Variants in SPOPL observed in about 807,000 individuals in gnomAD.
SPOPL encodes the protein speckle type BTB/POZ protein like.
SPOPL carries 23 observed loss-of-function variants against 53.8 expected under a neutral mutation model. That is an observed-to-expected ratio of 0.43 (90% CI 0.31 to 0.61). SPOPL has a LOEUF of 0.61. Among genes scored for constraint, SPOPL ranks in the 20% least tolerant of loss-of-function variants. SPOPL has a pLI of 0.12. For synonymous variants in SPOPL, 164 were observed against 149.7 expected (o/e 1.10, Z -0.70); for missense variants, 442 against 466.9 (o/e 0.95, Z 0.49).
rs1474090954 is a variant in SPOPL at position 138,571,007 on chromosome 2, A to G, written c.*1927A>G. On this transcript the variant is annotated 3_prime_UTR_variant, in exon 11 of 11. Transcript: ENST00000280098. ...ACCTGGTGATGGAACTTCATACTTC[A>G]TCCTGTGTAAGAGTATTATGGGAAG... is the stretch of plus-strand genomic sequence containing the variant. 6.6e-6 allele frequency: 1 copy of G among 152,158 alleles called. No individual in the cohort carries two copies. The highest frequency in any genetic ancestry group is 1.9e-4 in the East Asian group (1 of 5,194). 9.4% of individuals were successfully genotyped at this position (152,158 alleles called of 1,614,324 possible).
chr2:138,527,550 T>G (rs1684702264), intron 1 of SPOPL, among the ~76,000 whole-genome samples: 1 of 152,256 alleles, frequency 6.6e-6, no homozygotes, highest in South Asian at 2.1e-4. Context: ...TTCTGACCAC[T>G]TTTTCAAAGC....
At chr2:138,539,578 G>C (rs571658271) in intron 1 of SPOPL, among the ~76,000 whole-genome samples, 18 of 142,750 alleles carry the variant, frequency 1.3e-4, no homozygotes, top group Middle Eastern at 7.1e-3. Flanking sequence ...ATATCCTTCA[G>C]CCACTTTTTG....
intron 1 of SPOPL, among the ~76,000 whole-genome samples, chr2:138,518,507 T>A (rs1684493401): frequency 6.6e-6 from 1 of 152,232 alleles, no homozygotes; most frequent in South Asian, 2.1e-4. Context: ...AACCTAAGTT[T>A]CTTTAATTTA....
intron 1 of SPOPL, among the ~76,000 whole-genome samples, chr2:138,523,385 G>T (rs1684599580): frequency 1.3e-5 from 2 of 152,100 alleles, no homozygotes; most frequent in Non-Finnish European, 2.9e-5. Flanking sequence ...TATAAGATGA[G>T]ATTTGTGTGA....
At chr2:138,537,254 C>G (rs532300577) in intron 1 of SPOPL, among the ~76,000 whole-genome samples, 1 of 152,110 alleles carries the variant, frequency 6.6e-6, no homozygotes, top group East Asian at 1.9e-4. Context: ...CTCAAACAAC[C>G]GAGCTCCCTG....
At chr2:138,516,844 G>A (rs1039560713) in intron 1 of SPOPL, among the ~76,000 whole-genome samples, 1 of 152,204 alleles carries the variant, frequency 6.6e-6, no homozygotes, top group Non-Finnish European at 1.5e-5. Flanking sequence ...TGTAAGAAAA[G>A]AATATTATTT....
intron 1 of SPOPL, among the ~76,000 whole-genome samples, chr2:138,524,089 G>C (rs1167788483): frequency 1.3e-5 from 2 of 152,214 alleles, no homozygotes; most frequent in Non-Finnish European, 2.9e-5. Flanking sequence ...GGGCATTCAG[G>C]TGTTTCTATA....
At chr2:138,550,368 A>T in intron 2 of SPOPL, 74 bp downstream of exon 2, 3 of 1,597,134 alleles carry the variant, frequency 1.9e-6, no homozygotes, top group Non-Finnish European at 2.6e-6. Flanking sequence ...GTATTGTGAA[A>T]CACTTTGCCA....
At chr2:138,504,893 ATTAAC>A (rs1684180845) in intron 1 of SPOPL, among the ~76,000 whole-genome samples, 1 of 152,206 alleles carries the variant, frequency 6.6e-6, no homozygotes, top group Admixed American at 6.5e-5. Context: ...GTTTATATAT[ATTAAC>A]TTATTTAAAC....
intron 1 of SPOPL, among the ~76,000 whole-genome samples, chr2:138,504,928 A>T (rs1395382086): frequency 1.3e-5 from 2 of 152,240 alleles, no homozygotes; most frequent in Non-Finnish European, 2.9e-5. Context: ...TTCTTTAATA[A>T]GACTTTTTTA....
intron 1 of SPOPL, among the ~76,000 whole-genome samples, chr2:138,508,103 C>T (rs1487942528): frequency 2.6e-5 from 4 of 152,118 alleles, no homozygotes; most frequent in Non-Finnish European, 4.4e-5. Context: ...TGACAGCCAT[C>T]CCCTGATAGC....
chr2:138,526,970 C>T (rs548971384), intron 1 of SPOPL, among the ~76,000 whole-genome samples: 2 of 152,246 alleles, frequency 1.3e-5, no homozygotes, highest in African/African-American at 4.8e-5. Flanking sequence ...AAGTGATCCA[C>T]CTGCCTCGAC....
chr2:138,559,214 T>A lies in SPOPL; in HGVS notation c.658+15T>A, dbSNP rs747746801. 1.9e-5 allele frequency: 31 copies of A among 1,611,334 alleles called. No individual in the cohort carries two copies. The highest frequency in any genetic ancestry group is 2.3e-5 in the Non-Finnish European group (27 of 1,178,946). On this transcript the variant is annotated intron_variant, in intron 6 of 10. Transcript: ENST00000280098. ...TGTGCTTGCAGGTACTTTCTAGTTATGGGGTAATATAGTACATTTAAAAAA... is the reference window on the plus strand; with the variant it reads ...TGTGCTTGCAGGTACTTTCTAGTTAAGGGGTAATATAGTACATTTAAAAAA...
intron 1 of SPOPL, among the ~76,000 whole-genome samples, chr2:138,545,142 G>A (rs1685163689): frequency 6.6e-6 from 1 of 152,138 alleles, no homozygotes; most frequent in Non-Finnish European, 1.5e-5. Flanking sequence ...AGGTGAAACT[G>A]GCCCTTCAGT....
intron 1 of SPOPL, among the ~76,000 whole-genome samples, chr2:138,504,087 TTTGTG>T (rs1684163509): frequency 6.6e-6 from 1 of 152,252 alleles, no homozygotes; most frequent in African/African-American, 2.4e-5. Flanking sequence ...AGATATTACT[TTTGTG>T]TTGTTTTAAA....
At chr2:138,552,946 G>C (rs1685345028) in intron 5 of SPOPL, among the ~76,000 whole-genome samples, 1 of 151,994 alleles carries the variant, frequency 6.6e-6, no homozygotes, top group South Asian at 2.1e-4. Flanking sequence ...CTCTTGAAAA[G>C]ATTGTGAATG....
intron 8 of SPOPL, among the ~76,000 whole-genome samples, chr2:138,562,261 A>G (rs1475957022): frequency 6.6e-6 from 1 of 152,000 alleles, no homozygotes; most frequent in African/African-American, 2.4e-5. Flanking sequence ...ACACTACTTG[A>G]TATCATGACT....
intron 10 of SPOPL, among the ~76,000 whole-genome samples, chr2:138,566,486 T>C (rs1350532418): frequency 6.6e-6 from 1 of 152,220 alleles, no homozygotes; most frequent in African/African-American, 2.4e-5. Context: ...GTGTAATTGG[T>C]ATCTATGTGA....
intron 1 of SPOPL, among the ~76,000 whole-genome samples, chr2:138,548,239 CTTTT>C (rs34021497): frequency 1.1e-5 from 1 of 88,986 alleles, no homozygotes. Flanking sequence ...TGAAGGTAAA[CTTTT>C]TTTTTTTTTT....
Sources: allele counts gnomAD v4.1 joint callset (sites outside exome capture counted in the v4.1 genomes callset), GRCh38; gene constraint gnomAD v4.1.1; transcripts MANE v1.5; gene names NCBI Gene and HGNC (gene_info 2026-07-23, HGNC 2026-07-21).